The following SPIDR variants were observed in gnomAD, a reference collection of about 807,000 sequenced individuals.
The protein encoded by SPIDR is scaffold protein involved in DNA repair, also known as DNA repair-scaffolding protein.
SPIDR carries 93 observed loss-of-function variants against 104.6 expected under a neutral mutation model. That is an observed-to-expected ratio of 0.89 (90% CI 0.75 to 1.06). The LOEUF (loss-of-function observed/expected upper bound fraction) is 1.06. Among genes scored for constraint, SPIDR ranks in the 50% least tolerant of loss-of-function variants. The pLI is 0.00. For synonymous variants in SPIDR, 431 were observed against 416.9 expected (o/e 1.03, Z -0.41); for missense variants, 1,154 against 1,111.2 (o/e 1.04, Z -0.55).
chr8:47,304,376 G>C (rs1454424975), intron 5 of SPIDR, among the ~76,000 whole-genome samples: 3 of 152,098 alleles, frequency 2.0e-5, no homozygotes, highest in Non-Finnish European at 4.4e-5. Flanking sequence ...TAATTTAAAA[G>C]TGTGTAGTGG....
chr8:47,611,693 A>G (rs967050343), intron 10 of SPIDR, among the ~76,000 whole-genome samples: 2 of 152,016 alleles, frequency 1.3e-5, no homozygotes, highest in Admixed American at 6.5e-5. Context: ...GCGAGACTCC[A>G]TCTCAAAAAA....
intron 8 of SPIDR, among the ~76,000 whole-genome samples, chr8:47,500,670 G>T (rs533247013): frequency 3.3e-5 from 5 of 152,114 alleles, no homozygotes; most frequent in Non-Finnish European, 7.3e-5. Flanking sequence ...GTCAGTTTTG[G>T]CTTTTGTTGC....
chr8:47,421,778 A>T (rs2065516072), intron 7 of SPIDR, among the ~76,000 whole-genome samples: 1 of 152,136 alleles, frequency 6.6e-6, no homozygotes. Flanking sequence ...TGACGTACAG[A>T]TGGGGTTTTG....
At chr8:47,275,517 T>C (rs942622850) in intron 1 of SPIDR, among the ~76,000 whole-genome samples, 32 of 152,306 alleles carry the variant, frequency 2.1e-4, no homozygotes, top group African/African-American at 7.5e-4. Context: ...TGTATTCTTA[T>C]GTGTAAATAA....
At chr8:47,283,347 A>C (rs986867555) in intron 2 of SPIDR, among the ~76,000 whole-genome samples, 1 of 152,360 alleles carries the variant, frequency 6.6e-6, no homozygotes, top group African/African-American at 2.4e-5. Context: ...CACAGCATTT[A>C]TTAATTTTGC....
chr8:47,728,617 C>G, intron 17 of SPIDR: 1 of 260,268 alleles, frequency 3.8e-6, no homozygotes, highest in Non-Finnish European at 7.4e-6. Context: ...AGCAGACTTT[C>G]TCTTCCGGGC....
intron 8 of SPIDR, among the ~76,000 whole-genome samples, chr8:47,489,875 G>A (rs1455595562): frequency 6.6e-6 from 1 of 152,168 alleles, no homozygotes; most frequent in African/African-American, 2.4e-5. Flanking sequence ...AGACTTAAAT[G>A]TTAGACCTAA....
At chr8:47,292,290 C>A (rs2040054643) in intron 4 of SPIDR, among the ~76,000 whole-genome samples, 1 of 152,086 alleles carries the variant, frequency 6.6e-6, no homozygotes, top group African/African-American at 2.4e-5. Flanking sequence ...TAGTTAAATT[C>A]TTTTGACCAC....
chr8:47,653,900 G>GA (rs2072177391), intron 10 of SPIDR: 1 of 908,466 alleles, frequency 1.1e-6, no homozygotes, highest in Admixed American at 6.2e-5. Context: ...GGAAAAAAAG[G>GA]AAAAAGAATT....
intron 10 of SPIDR, among the ~76,000 whole-genome samples, chr8:47,600,301 C>T (rs2062106036): frequency 6.6e-6 from 1 of 152,018 alleles, no homozygotes. Flanking sequence ...GTCACTTGAG[C>T]CCAGGAGTTT....
intron 5 of SPIDR, among the ~76,000 whole-genome samples, chr8:47,306,732 C>T: frequency 6.6e-6 from 1 of 152,128 alleles, no homozygotes. Context: ...TCTGTTTCTC[C>T]CTTCAGTTGT....
At chr8:47,444,926 A>G (rs532376077) in intron 8 of SPIDR, among the ~76,000 whole-genome samples, 3 of 152,294 alleles carry the variant, frequency 2.0e-5, no homozygotes, top group African/African-American at 7.2e-5. Flanking sequence ...AGATATTGTT[A>G]TATATGTAGT....
At chr8:47,404,421 A>G (rs966496505) in intron 6 of SPIDR, among the ~76,000 whole-genome samples, 1 of 152,180 alleles carries the variant, frequency 6.6e-6, no homozygotes, top group Non-Finnish European at 1.5e-5. Flanking sequence ...GCAACCTACA[A>G]AATGGGAGAA....
At chr8:47,533,246 TAATA>T (rs1466165430) in intron 8 of SPIDR, among the ~76,000 whole-genome samples, 1 of 152,000 alleles carries the variant, frequency 6.6e-6, no homozygotes, top group Non-Finnish European at 1.5e-5. Flanking sequence ...TACCAATAAT[TAATA>T]AATAAGATAA....
chr8:47,353,825 A>G (rs1312564154), intron 5 of SPIDR, among the ~76,000 whole-genome samples: 1 of 152,090 alleles, frequency 6.6e-6, no homozygotes, highest in African/African-American at 2.4e-5. Flanking sequence ...AGCCCGGGTC[A>G]AGTTCATTCA....
At chr8:47,719,869 C>T (rs1192677545) in intron 16 of SPIDR, among the ~76,000 whole-genome samples, 1 of 152,216 alleles carries the variant, frequency 6.6e-6, no homozygotes, top group African/African-American at 2.4e-5. Flanking sequence ...CATGCCCCCC[C>T]ACACCCAGGG....
At chr8:47,586,807 C>T (rs1386743773) in intron 8 of SPIDR, among the ~76,000 whole-genome samples, 3 of 152,136 alleles carry the variant, frequency 2.0e-5, no homozygotes, top group Admixed American at 6.5e-5. Flanking sequence ...CTCGCTCTGT[C>T]GACCAGGCTG....
chr8:47,575,526 A>G (rs565121225), intron 8 of SPIDR, among the ~76,000 whole-genome samples: 1 of 151,500 alleles, frequency 6.6e-6, no homozygotes, highest in East Asian at 2.0e-4. Flanking sequence ...GGGCGCCTGT[A>G]GTCCCAGCTA....
intron 5 of SPIDR, among the ~76,000 whole-genome samples, chr8:47,299,846 G>T (rs1379922135): frequency 6.6e-6 from 1 of 152,110 alleles, no homozygotes; most frequent in Non-Finnish European, 1.5e-5. Context: ...TGCTGGATTC[G>T]GTGTGCCAGT....
Sources: allele counts gnomAD v4.1 joint callset (sites outside exome capture counted in the v4.1 genomes callset), GRCh38; gene constraint gnomAD v4.1.1; transcripts MANE v1.5; gene names NCBI Gene and HGNC (gene_info 2026-07-23, HGNC 2026-07-21).